Variants in GRK7 observed in about 807,000 individuals in gnomAD.
GRK7 encodes rhodopsin kinase GRK7.
A neutral mutation model predicts 34.1 loss-of-function variants in GRK7; 24 were observed. The ratio of observed to expected loss-of-function variants is 0.70; its 90% CI spans 0.51 to 0.99. The LOEUF (loss-of-function observed/expected upper bound fraction) is 0.99. Among genes scored for constraint, GRK7 ranks in the 50% least tolerant of loss-of-function variants. GRK7 has a pLI of 0.00. For synonymous variants in GRK7, 256 were observed against 279.4 expected (o/e 0.92, Z 0.84); for missense variants, 644 against 707.3 (o/e 0.91, Z 1.02).
intron 1 of GRK7, among the ~76,000 whole-genome samples, 115 bp from the exon 2 acceptor site, chr3:141,774,465 A>G (rs371980894): frequency 2.1e-4 from 32 of 152,176 alleles, no homozygotes; most frequent in African/African-American, 7.0e-4. Context: ...AAAATGTTTC[A>G]TTTTAAATAG....
chr3:141,751,526 A>G, the GRK7 span, among the ~76,000 whole-genome samples: 2 of 152,246 alleles, frequency 1.3e-5, no homozygotes, highest in Non-Finnish European at 2.9e-5. Context: ...ATATGTGACT[A>G]CAAGAACCAT....
the GRK7 span, among the ~76,000 whole-genome samples, chr3:141,755,987 A>G: frequency 4.0e-5 from 6 of 149,096 alleles, no homozygotes; most frequent in Non-Finnish European, 8.8e-5. Context: ...TATTCATAGA[A>G]TGGAACACTA....
chr3:141,807,187 T>C (rs943519959), intron 4 of GRK7, among the ~76,000 whole-genome samples: 1 of 152,182 alleles, frequency 6.6e-6, no homozygotes, highest in African/African-American at 2.4e-5. Flanking sequence ...AGACAACATA[T>C]GAACATTTAA....
At chr3:141,808,745 G>A (rs1711061994) in intron 5 of GRK7, among the ~76,000 whole-genome samples, 1 of 151,980 alleles carries the variant, frequency 6.6e-6, no homozygotes, top group Admixed American at 6.6e-5. Context: ...TAGAACGGCA[G>A]TTTCCTGGGG....
At chr3:141,807,985 T>G in intron 5 of GRK7, 66 bp downstream of exon 5, 1 of 1,399,846 alleles carries the variant, frequency 7.1e-7, no homozygotes, top group Non-Finnish European at 9.6e-7. Context: ...AGGAGAATAC[T>G]TTTGATTTGT....
At chr3:141,751,205 C>T in the GRK7 span, among the ~76,000 whole-genome samples, 1 of 152,154 alleles carries the variant, frequency 6.6e-6, no homozygotes, top group African/African-American at 2.4e-5. Flanking sequence ...GACTTAAACT[C>T]TATAGTAGTC....
In GRK7 at chr3:141,779,004, C is replaced by A. The variant is rs1559840616; in HGVS notation, c.612+108C>A. The A allele has an allele frequency of 3.7e-6, 4 of 1,079,834 alleles. No homozygotes were observed. In the South Asian group the frequency reaches 6.3e-5, roughly 17 times the overall value. 66.9% of individuals were successfully genotyped at this position (1,079,834 alleles called of 1,614,324 possible). ...CAGTTACTTAGAACTAATTTCAGCA[C>A]CATATGTGGAGGATTTCTAGCCCCG... On this transcript the variant is annotated intron_variant, in intron 3 of 5. Coordinates refer to ENST00000682958, the MANE Select transcript of GRK7 (RefSeq NM_139209.3).
At chr3:141,816,677 A>G in intron 5 of GRK7, 37 bp from the exon 6 acceptor site, 3 of 1,323,026 alleles carry the variant, frequency 2.3e-6, no homozygotes, top group Non-Finnish European at 3.1e-6. Context: ...TTGTTTTGTT[A>G]ACTCTGTCTC....
chr3:141,789,415 A>G (rs974191450), intron 4 of GRK7, among the ~76,000 whole-genome samples: 14 of 152,054 alleles, frequency 9.2e-5, no homozygotes, highest in African/African-American at 2.9e-4. Context: ...AACCACTCCC[A>G]CAGAGGGAAA....
intron 1 of GRK7, among the ~76,000 whole-genome samples, chr3:141,768,271 C>CTTT (rs550541266): frequency 1.2e-4 from 16 of 137,912 alleles, no homozygotes; most frequent in East Asian, 8.5e-4. Flanking sequence ...TCCTGTCAGC[C>CTTT]TTTTTTTTTT....
chr3:141,787,197 G>A (rs184196142), intron 4 of GRK7, among the ~76,000 whole-genome samples: 88 of 152,276 alleles, frequency 5.8e-4, no homozygotes, highest in Middle Eastern at 3.4e-3. Context: ...TCTGACCTAC[G>A]GAACTGCAAG....
chr3:141,793,151 G>A (rs183599511), intron 4 of GRK7, among the ~76,000 whole-genome samples: 16 of 152,314 alleles, frequency 1.1e-4, no homozygotes, highest in African/African-American at 3.6e-4. Flanking sequence ...GAAAACATAA[G>A]TGTTTCCCTG....
upstream of GRK7, among the ~76,000 whole-genome samples, chr3:141,760,077 A>G (rs1375128915): frequency 6.7e-6 from 1 of 149,562 alleles, no homozygotes; most frequent in Non-Finnish European, 1.5e-5. Flanking sequence ...CTAGCGGTCT[A>G]TCAATTTTGT....
rs1454142289 is a variant in GRK7 at position 141,778,476 on chromosome 3, C to T, written c.192C>T (p.Pro64=). 6.2e-7 allele frequency: 1 copy of T among 1,613,010 alleles called. No individual in the cohort carries two copies. The highest frequency in any genetic ancestry group is 1.3e-5 in the African/African-American group (1 of 74,954). ...TCCACAGCCTGTGTGAGCAGCAGCC[C>T]ATCGGTCGCCGCCTCTTCCGTGACT... ...LNFHSLCEQQ[P]IGRRLFRDFL... The change falls in exon 3 of 6, where the codon CCC becomes CCT. Residue 64 remains proline, a synonymous_variant. Coordinates refer to ENST00000682958, the MANE Select transcript of GRK7 (RefSeq NM_139209.3). The surrounding 1 kb of genome is among the most constrained non-coding windows in gnomAD (Gnocchi z 4.1).
chr3:141,763,005 C>A (rs1280179276), upstream of GRK7, among the ~76,000 whole-genome samples: 1 of 152,236 alleles, frequency 6.6e-6, no homozygotes, highest in African/African-American at 2.4e-5. Context: ...TGCGCGCACC[C>A]ACTGGCCTGC....
At chr3:141,753,496 G>A in the GRK7 span, among the ~76,000 whole-genome samples, 1 of 152,162 alleles carries the variant, frequency 6.6e-6, no homozygotes, top group African/African-American at 2.4e-5. Context: ...ATTCTCATAA[G>A]GAGCGCCCAA....
At position 141,769,800 on chromosome 3, in the gene GRK7, C is replaced by T. The variant is rs376893642; in HGVS notation, c.-215+4062C>T. On this transcript the variant is annotated intron_variant, in intron 1 of 5. Transcript: ENST00000682958. Reference sequence around the variant, plus strand: ...TGCATCTCCGATCTTTCAGCTCCCACGTGACAGCCTCTCCTGCAGTCCCAG... The same window carrying T: ...TGCATCTCCGATCTTTCAGCTCCCATGTGACAGCCTCTCCTGCAGTCCCAG... Among the ~76,000 whole-genome samples, 61 of 152,344 alleles carry T rather than the reference C, an allele frequency of 4.0e-4. No homozygotes were observed. In the South Asian group the frequency reaches 9.1e-3, roughly 23 times the overall value.
intron 2 of GRK7, among the ~76,000 whole-genome samples, chr3:141,776,517 T>G (rs7626358): frequency 0.099 from 15,050 of 152,106 alleles, 2,479 homozygotes; most frequent in African/African-American, 0.34. Context: ...ATTTCCCGTG[T>G]TGGTTTCAAA....
chr3:141,783,906 G>A (rs140469189), intron 4 of GRK7, among the ~76,000 whole-genome samples: 139 of 152,260 alleles, frequency 9.1e-4, no homozygotes, highest in Middle Eastern at 3.4e-3. Flanking sequence ...ACATTCCTAT[G>A]AACACAGGAA....
Sources: gnomAD v4.1 joint callset for allele counts (sites outside exome capture counted in the v4.1 genomes callset) on GRCh38, gnomAD v4.1.1 for gene constraint, Gnocchi (gnomAD v3.1) non-coding constraint, MANE v1.5 for transcripts, NCBI Gene and HGNC (gene_info 2026-07-23, HGNC 2026-07-21) for gene names.